The following ACTR8 variants were observed in gnomAD, a reference collection of about 807,000 sequenced individuals.
ACTR8 encodes the protein actin related protein 8.
A neutral mutation model predicts 84.3 loss-of-function variants in ACTR8; 70 were observed. The observed-to-expected ratio is 0.83, with a 90% CI of 0.68 to 1.01. The LOEUF is 1.01. Ranked by LOEUF, ACTR8 falls within the 50% of genes least tolerant of loss-of-function variation. ACTR8 has a pLI of 0.00. For missense variants in ACTR8, 672 were observed against 775.4 expected, an observed-to-expected ratio of 0.87 and a Z score of 1.58; for synonymous variants, 268 against 275.2, an observed-to-expected ratio of 0.97 and a Z score of 0.26.
At chr3:53,875,755 G>A (rs1699955163) in intron 7 of ACTR8, among the ~76,000 whole-genome samples, 193 bp downstream of exon 7, 1 of 152,224 alleles carries the variant, frequency 6.6e-6, no homozygotes. Flanking sequence ...AAGTTCCAAT[G>A]GGAAGGGTAA....
intron 8 of ACTR8, among the ~76,000 whole-genome samples, chr3:53,873,962 C>A (rs1185598723): frequency 6.6e-6 from 1 of 152,072 alleles, no homozygotes; most frequent in Non-Finnish European, 1.5e-5. Flanking sequence ...GTAGCTGGGA[C>A]TACAGGTGCC....
downstream of ACTR8, chr3:53,865,339 G>C (rs951206936): frequency 1.3e-6 from 2 of 1,538,880 alleles, no homozygotes; most frequent in Non-Finnish European, 1.8e-6. Flanking sequence ...GACCTTAAAG[G>C]CTTCCTATCC....
intron 9 of ACTR8, 71 bp downstream of exon 9, chr3:53,872,961 C>G (rs1378322188): frequency 8.4e-6 from 10 of 1,189,008 alleles, no homozygotes; most frequent in Non-Finnish European, 1.2e-5. Context: ...CCAGCAAGGG[C>G]ATATTCTCTC....
intron 6 of ACTR8, 118 bp downstream of exon 6, chr3:53,876,500 CAG>C (rs1699970706): frequency 1.5e-6 from 1 of 674,920 alleles, no homozygotes; most frequent in East Asian, 3.2e-5. Context: ...GCCTGGGCGA[CAG>C]AGAGAGACTC....
rs1699896439 is a variant in ACTR8 at position 53,872,391 on chromosome 3, T to A, written c.1295A>T (p.Gln432Leu). 6.2e-7 allele frequency: 1 copy of A among 1,603,178 alleles called. No individual in the cohort carries two copies. The highest frequency in any genetic ancestry group is 8.5e-7 in the Non-Finnish European group (1 of 1,176,468). ...ACCAGAATTGCTACGGACCTGTTCT[T>A]GTTTGCTCTGTGTGGCCAGCAGGTA... ...EHYLLATQSK[Q>L]EQSAKATADR... The change falls in exon 10 of 13, where the codon CAA (glutamine) becomes CTA (leucine). Residue 432 changes from glutamine (Q) to leucine (L), a missense_variant. Transcript: ENST00000335754.
In ACTR8 at chr3:53,870,907, T is replaced by A; in HGVS notation, c.1567+325A>T. The stretch of plus-strand genomic sequence containing the variant: ...AGTGAGTAAAGATTCTATGTGAAAT[T>A]CCTCAAATTATTACACAAATGTGAA... On this transcript the variant is annotated intron_variant, in intron 11 of 12. Coordinates refer to ENST00000335754, the MANE Select transcript of ACTR8 (RefSeq NM_022899.5). This position sits in a 1 kb window ranked among gnomAD's most constrained non-coding sequence, Gnocchi z 4.1. Among the ~76,000 whole-genome samples, 1 of 152,236 alleles carries A rather than the reference T, an allele frequency of 6.6e-6. No homozygotes were observed. Among genetic ancestry groups the A allele is most frequent in the East Asian group, 1.9e-4 (1 of 5,196 alleles).
At chr3:53,876,208 T>C in intron 6 of ACTR8, 128 bp from the exon 7 acceptor site, 2 of 1,185,936 alleles carry the variant, frequency 1.7e-6, no homozygotes, top group East Asian at 5.2e-5. Context: ...CACTGATCCT[T>C]TCAGAATAAG....
intron 10 of ACTR8, 131 bp from the exon 11 acceptor site, chr3:53,871,627 C>T: frequency 9.8e-7 from 1 of 1,019,896 alleles, no homozygotes; most frequent in Non-Finnish European, 1.4e-6. Context: ...AACTGCCCAG[C>T]ACCCATTCCC....
rs1483966646 is a variant in ACTR8 at position 53,876,003 on chromosome 3, C to A, written c.856G>T (p.Asp286Tyr). Reference protein sequence around the residue: ...LSSTCIVDVGDQKTSVCCVED... With the variant: ...LSSTCIVDVGYQKTSVCCVED... ...ACACAGCATACACTTGTCTTCTGGT[C>A]CCCAACGTCTACAATACACGTGCTG... The change falls in exon 7 of 13, where the codon GAC becomes TAC. Residue 286 changes from aspartate to tyrosine, a missense_variant. Coordinates refer to ENST00000335754, the MANE Select transcript of ACTR8 (RefSeq NM_022899.5). 2 of 1,614,176 alleles carry A rather than the reference C, an allele frequency of 1.2e-6. No individual in the cohort carries two copies. The highest frequency in any genetic ancestry group is 1.7e-6 in the Non-Finnish European group (2 of 1,180,038).
intron 1 of ACTR8, among the ~76,000 whole-genome samples, 197 bp from the exon 2 acceptor site, chr3:53,880,306 G>A (rs1001355464): frequency 6.6e-6 from 1 of 152,170 alleles, no homozygotes; most frequent in Non-Finnish European, 1.5e-5. Flanking sequence ...CCCTTGACCT[G>A]AGTTATAGTA....
chr3:53,875,840 G>T, intron 7 of ACTR8, 108 bp downstream of exon 7: 1 of 1,498,712 alleles, frequency 6.7e-7, no homozygotes, highest in South Asian at 1.3e-5. Flanking sequence ...GCAGACTTTT[G>T]AATTTATGGT....
Position 53,868,140 on chromosome 3 carries a change from G to A in ACTR8, c.*579C>T, listed in dbSNP as rs968371527. On this transcript the variant is annotated 3_prime_UTR_variant, in exon 13 of 13. Coordinates refer to ENST00000335754, the MANE Select transcript of ACTR8 (RefSeq NM_022899.5). ...CCTTCCATCTTTACCTTTGGAAATCGAGACCTGAATGGGTCCCATTCTTTT... is the reference window on the plus strand; with the variant it reads ...CCTTCCATCTTTACCTTTGGAAATCAAGACCTGAATGGGTCCCATTCTTTT... 1.3e-5 allele frequency: 2 copies of A among 151,680 alleles called. No individual in the cohort carries two copies. Among genetic ancestry groups the A allele is most frequent in the Non-Finnish European group, 2.9e-5 (2 of 67,970 alleles). The allele number at this position is 151,680 out of a possible 1,614,324, so 9.4% of individuals were successfully genotyped here. A position where few individuals can be genotyped will look rare whatever the true frequency, so the allele number is the denominator to read the frequency against.
downstream of ACTR8, chr3:53,864,738 T>C (rs1284423478): frequency 6.3e-7 from 1 of 1,588,486 alleles, no homozygotes; most frequent in Non-Finnish European, 8.6e-7. Context: ...GCTTTTCTCC[T>C]CTCACAGAAA....
rs748351305 is a variant in ACTR8, at chr3:53,869,982, C to T, written c.1731G>A (p.Lys577=). 1.9e-6 allele frequency: 3 copies of T among 1,614,050 alleles called. No individual in the cohort carries two copies. The highest frequency in any genetic ancestry group is 3.3e-4 in the Middle Eastern group (2 of 6,062). Residue 577 remains lysine, a splice_region_variant and synonymous_variant, in exon 12 of 13, where the codon AAG becomes AAA. Coordinates refer to ENST00000335754, the MANE Select transcript of ACTR8 (RefSeq NM_022899.5). ...IENVDVITRP[K]DMDPRLIAWK... Reference sequence around the variant, plus strand: ...CAACTTGCACAATGAAACAACCTACCTTAGGCCTTGTGATCACATCCACAT... The same window carrying T: ...CAACTTGCACAATGAAACAACCTACTTTAGGCCTTGTGATCACATCCACAT...
chr3:53,875,387 C>A (rs1348761917), intron 7 of ACTR8, among the ~76,000 whole-genome samples: 1 of 152,204 alleles, frequency 6.6e-6, no homozygotes, highest in Non-Finnish European at 1.5e-5. Context: ...AGAGCCCATA[C>A]CTGCATTACC....
downstream of ACTR8, chr3:53,867,018 T>A (rs768944232): frequency 2.0e-5 from 3 of 152,234 alleles, no homozygotes; most frequent in Non-Finnish European, 2.9e-5. Flanking sequence ...AAGTAAAAAC[T>A]GTGTCCAGCT....
intron 1 of ACTR8, among the ~76,000 whole-genome samples, chr3:53,880,749 G>C (rs1700045764): frequency 6.6e-6 from 1 of 152,162 alleles, no homozygotes; most frequent in African/African-American, 2.4e-5. Flanking sequence ...CACATCCTCT[G>C]TTGGCACAAG....
At chr3:53,864,491 C>T (rs552881933), downstream of ACTR8, among the ~76,000 whole-genome samples, 3 of 152,100 alleles carry the variant, frequency 2.0e-5, no homozygotes, top group East Asian at 3.9e-4. Context: ...GCCGAGGTCA[C>T]GCCACTGCAC....
chr3:53,867,891 G>A lies in ACTR8; in HGVS notation c.*828C>T, dbSNP rs958680635. 3 of 152,166 alleles carry A rather than the reference G, an allele frequency of 2.0e-5. No individual in the cohort carries two copies. Among genetic ancestry groups the A allele is most frequent in the African/African-American group, 7.2e-5 (3 of 41,420 alleles). The allele number at this position is 152,166 out of a possible 1,614,324, so 9.4% of individuals were successfully genotyped here. The stretch of plus-strand genomic sequence containing the variant: ...TTAATCCTTCAGGTAAAGGAAAATT[G>A]AGGCTTGATGACTAAGTTGGTAGTA... On this transcript the variant is annotated 3_prime_UTR_variant, in exon 13 of 13. Coordinates refer to ENST00000335754, the MANE Select transcript of ACTR8 (RefSeq NM_022899.5).
Sources: gnomAD v4.1 joint callset for allele counts (sites outside exome capture counted in the v4.1 genomes callset) on GRCh38, gnomAD v4.1.1 for gene constraint, Gnocchi (gnomAD v3.1) non-coding constraint, MANE v1.5 for transcripts, NCBI Gene and HGNC (gene_info 2026-07-23, HGNC 2026-07-21) for gene names.